Variants in HAUS3 observed in about 807,000 individuals in gnomAD.
The protein encoded by HAUS3 is HAUS augmin like complex subunit 3, also known as HAUS augmin-like complex subunit 3.
In HAUS3, 36 loss-of-function variants were observed where a neutral mutation model predicts 55.2. That is an observed-to-expected ratio of 0.65 (90% CI 0.50 to 0.86). HAUS3 has a LOEUF of 0.86. HAUS3 is among the 40% of genes least tolerant of loss of function. The probability of loss-of-function intolerance (pLI) is 0.00; values close to 1 mark genes in which losing one functional copy is unlikely to be tolerated. For synonymous variants in HAUS3, 234 were observed against 238.6 expected (o/e 0.98, Z 0.18); for missense variants, 752 against 671.5 (o/e 1.12, Z -1.33).
rs763083215 is a variant in HAUS3 at position 2,240,301 on chromosome 4, A to G, written c.646T>C (p.Leu216=). The change falls in exon 3 of 6, where the codon TTG becomes CTG. Residue 216 remains leucine, a synonymous_variant. Transcript: ENST00000443786. ...QEEQSTAALT[L]YTKKQFFQGI... is the part of the protein sequence containing the mutation. The stretch of plus-strand genomic sequence containing the variant: ...TGAAAGAACTGTTTTTTGGTATACA[A>G]AGTTAATGCTGCTGTGCTTTGCTCT... 2.5e-5 allele frequency: 40 copies of G among 1,610,654 alleles called. No homozygotes were observed. The highest frequency in any genetic ancestry group is 3.3e-5 in the Non-Finnish European group (39 of 1,177,902).
Position 2,240,310 on chromosome 4 carries a change from C to A in HAUS3, c.637G>T (p.Ala213Ser), listed in dbSNP as rs1229101243. 1 of 1,608,926 alleles carries A rather than the reference C, an allele frequency of 6.2e-7. No homozygotes were observed. Among genetic ancestry groups the A allele is most frequent in the Non-Finnish European group, 8.5e-7 (1 of 1,176,842 alleles). Reference protein sequence around the residue: ...YLSQEEQSTAALTLYTKKQFF... With the variant: ...YLSQEEQSTASLTLYTKKQFF... ...TGTTTTTTGGTATACAAAGTTAATG[C>A]TGCTGTGCTTTGCTCTTCCTGACTT... is the stretch of plus-strand genomic sequence containing the variant. The change falls in exon 3 of 6, where the codon GCA (alanine) becomes TCA (serine). Residue 213 changes from alanine to serine, a missense_variant. Transcript: ENST00000443786.
In HAUS3 at chr4:2,236,321, T is replaced by G; in HGVS notation, c.1485A>C (p.Glu495Asp). ...VQDQLAVSAQEHSFFLSKRNK... is the reference protein window; with the variant it reads ...VQDQLAVSAQDHSFFLSKRNK... ...TCCGTTTGGACAGAAAGAAAGAATG[T>G]TCTTGAGCAGATACTGCCAACTGAT... Residue 495 changes from glutamate (E) to aspartate (D), a missense_variant, in exon 5 of 6, where the codon GAA becomes GAC. By Grantham distance (45) the Glu-to-Asp change is conservative. Transcript: ENST00000443786. 6.2e-7 allele frequency: 1 copy of G among 1,613,722 alleles called. No homozygotes were observed. Among genetic ancestry groups the G allele is most frequent in the Non-Finnish European group, 8.5e-7 (1 of 1,179,704 alleles).
rs771315847 is a variant in HAUS3 at position 2,236,437 on chromosome 4, C to T, written c.1369G>A (p.Gly457Arg). ...AACAATTCTTTTTTCTTATTCTCTC[C>T]CTCCAAAACTTGGTAAAGCCTGAAA... ...STHRLYQVLE[G>R]ENKKKELFLT... is the part of the protein sequence containing the mutation. Residue 457 changes from glycine to arginine, a missense_variant, in exon 5 of 6, where the codon GGA (glycine) becomes AGA (arginine). Gly to Arg is a moderately radical substitution (Grantham distance 125, BLOSUM62 -2). Coordinates refer to ENST00000443786, the MANE Select transcript of HAUS3 (RefSeq NM_001303143.2). 9.3e-6 allele frequency: 15 copies of T among 1,610,574 alleles called. No homozygotes were observed. Among genetic ancestry groups the T allele is most frequent in the Non-Finnish European group, 1.1e-5 (13 of 1,177,336 alleles).
chr4:2,237,528 G>C (rs1307628416), intron 4 of HAUS3, among the ~76,000 whole-genome samples: 3 of 151,558 alleles, frequency 2.0e-5, no homozygotes, highest in East Asian at 1.9e-4. Context: ...AGGAAGGAGG[G>C]AAGGAAGGAA....
chr4:2,233,586 C>T (rs1419559370), intron 5 of HAUS3, among the ~76,000 whole-genome samples: 1 of 152,008 alleles, frequency 6.6e-6, no homozygotes, highest in African/African-American at 2.4e-5. Context: ...AACTCTGAGT[C>T]AAAAAATAAC....
In HAUS3 at chr4:2,231,039, A is replaced by G. The variant is rs1045964300; in HGVS notation, c.*888T>C. On this transcript the variant is annotated 3_prime_UTR_variant, in exon 6 of 6. Transcript: ENST00000443786. ...TGATGTGTAAGTCACATTAAAGTCA[A>G]AGCACTGCTCAGCTGTCTTGTAGAA... 1 of 152,224 alleles carries G rather than the reference A, an allele frequency of 6.6e-6. No homozygotes were observed. The highest frequency in any genetic ancestry group is 1.5e-5 in the Non-Finnish European group (1 of 68,044). 9.4% of individuals were successfully genotyped at this position (152,224 alleles called of 1,614,324 possible). A position where few individuals can be genotyped will look rare whatever the true frequency, so the allele number is the denominator to read the frequency against.
chr4:2,237,801 T>G lies in HAUS3; in HGVS notation c.1349+803A>C, dbSNP rs185062484. Among the ~76,000 whole-genome samples, 66 of 152,316 alleles carry G rather than the reference T, an allele frequency of 4.3e-4. 1 individual carries two copies. In the South Asian group the frequency reaches 4.8e-3, roughly 11 times the overall value. On this transcript the variant is annotated intron_variant, in intron 4 of 5. Coordinates refer to ENST00000443786, the MANE Select transcript of HAUS3 (RefSeq NM_001303143.2). ...TAAATAGTTACATAAATAGCTATAATAGTAAACTTTTGCTCAGAATTTTTT... is the reference window on the plus strand; with the variant it reads ...TAAATAGTTACATAAATAGCTATAAGAGTAAACTTTTGCTCAGAATTTTTT...
At chr4:2,234,674 A>G (rs537194226) in intron 5 of HAUS3, among the ~76,000 whole-genome samples, 2 of 152,234 alleles carry the variant, frequency 1.3e-5, no homozygotes, top group Non-Finnish European at 2.9e-5. Context: ...TTACTAAGCA[A>G]AAGAAAAATG....
Position 2,241,720 on chromosome 4 carries a change from C to T in HAUS3, c.-348G>A. The T allele has an allele frequency of 1.0e-6, 1 of 985,502 alleles. No individual in the cohort carries two copies. Among genetic ancestry groups the T allele is most frequent in the Non-Finnish European group, 1.2e-6 (1 of 829,956 alleles). The allele number at this position is 985,502 out of a possible 1,614,324, so 61.0% of individuals were successfully genotyped here. The stretch of plus-strand genomic sequence containing the variant: ...CCCCAGGGATCCGCGGCCCCAAGGC[C>T]GCGATACACCAGACGCGCCAGCGGC... On this transcript the variant is annotated 5_prime_UTR_variant, in exon 2 of 6. Transcript: ENST00000443786.
chr4:2,229,128 T>C lies in HAUS3; in HGVS notation c.*2799A>G. ...TGTACTCTTTCCCCAAGTCTTAGAA[T>C]CCACTAAATCACCTGAATGCATAGC... On this transcript the variant is annotated 3_prime_UTR_variant, in exon 6 of 6. Coordinates refer to ENST00000443786, the MANE Select transcript of HAUS3 (RefSeq NM_001303143.2). 1 of 1,609,724 alleles carries C rather than the reference T, an allele frequency of 6.2e-7. No individual in the cohort carries two copies.
Position 2,238,760 on chromosome 4 carries a change from T to A in HAUS3, c.1193A>T (p.His398Leu). The A allele has an allele frequency of 6.2e-7, 1 of 1,613,848 alleles. No homozygotes were observed. Among genetic ancestry groups the A allele is most frequent in the South Asian group, 1.1e-5 (1 of 91,062 alleles). The change falls in exon 4 of 6, where the codon CAT (histidine) becomes CTT (leucine). Residue 398 changes from histidine (H) to leucine (L), a missense_variant. Physicochemically the swap from His to Leu is moderately conservative, Grantham distance 99. Coordinates refer to ENST00000443786, the MANE Select transcript of HAUS3 (RefSeq NM_001303143.2). Reference sequence around the variant, plus strand: ...TTCAAGTTGACGATATATGTCCCGATGCTTTCTTAATTCAATTTCATATGA... The same window carrying A: ...TTCAAGTTGACGATATATGTCCCGAAGCTTTCTTAATTCAATTTCATATGA... ...QLSYEIELRK[H>L]RDIYRQLENL...
rs1179307649 is a variant in HAUS3 at position 2,240,335 on chromosome 4, T to G, written c.612A>C (p.Leu204=). 6.2e-7 allele frequency: 1 copy of G among 1,602,754 alleles called. No individual in the cohort carries two copies. The highest frequency in any genetic ancestry group is 1.7e-5 in the Admixed American group (1 of 57,966). ...CTGCTGTGCTTTGCTCTTCCTGACT[T>G]AGGTATTTTTCCAAGGAAAATTGCG... is the stretch of plus-strand genomic sequence containing the variant. ...FLSQFSLEKY[L]SQEEQSTAAL... Residue 204 remains leucine (L), a synonymous_variant, in exon 3 of 6, where the codon CTA becomes CTC. Transcript: ENST00000443786.
chr4:2,241,018 G>A lies in HAUS3; in HGVS notation c.-72C>T, dbSNP rs926522777. ...GTTGATTTTTAGAAAATAAATCCAA[G>A]CAGAAAAAAAGCTACGTTTTATACC... is the stretch of plus-strand genomic sequence containing the variant. On this transcript the variant is annotated 5_prime_UTR_variant, in exon 3 of 6. Coordinates refer to ENST00000443786, the MANE Select transcript of HAUS3 (RefSeq NM_001303143.2). The A allele has an allele frequency of 8.3e-7, 1 of 1,210,638 alleles. No individual in the cohort carries two copies. Among genetic ancestry groups the A allele is most frequent in the Non-Finnish European group, 1.2e-6 (1 of 861,710 alleles). 75.0% of individuals were successfully genotyped at this position (1,210,638 alleles called of 1,614,324 possible).
chr4:2,230,688 C>T lies in HAUS3; in HGVS notation c.*1239G>A, dbSNP rs1734549549. On this transcript the variant is annotated 3_prime_UTR_variant, in exon 6 of 6. Transcript: ENST00000443786. ...TTATAGCTAAAAAATTCCATAAAGACCACCCAAAACATGTAGTTTTTAGAT... is the reference window on the plus strand; with the variant it reads ...TTATAGCTAAAAAATTCCATAAAGATCACCCAAAACATGTAGTTTTTAGAT... The T allele has an allele frequency of 6.6e-6, 1 of 151,778 alleles. No individual in the cohort carries two copies. The highest frequency in any genetic ancestry group is 2.1e-4 in the South Asian group (1 of 4,820). The allele number at this position is 151,778 out of a possible 1,614,324, so 9.4% of individuals were successfully genotyped here.
chr4:2,234,800 T>C (rs1734700474), intron 5 of HAUS3, among the ~76,000 whole-genome samples: 1 of 152,228 alleles, frequency 6.6e-6, no homozygotes, highest in Non-Finnish European at 1.5e-5. Flanking sequence ...ACCAGGATAA[T>C]TATTCACTGC....
chr4:2,236,629 C>A (rs1271941010), intron 4 of HAUS3, among the ~76,000 whole-genome samples, 173 bp from the exon 5 acceptor site: 1 of 151,880 alleles, frequency 6.6e-6, no homozygotes, highest in Non-Finnish European at 1.5e-5. Context: ...GAGGCCAAGG[C>A]GGGCAGATTG....
chr4:2,232,602 A>G (rs1026725855), intron 5 of HAUS3, among the ~76,000 whole-genome samples: 2 of 152,200 alleles, frequency 1.3e-5, no homozygotes. Flanking sequence ...ATGAAGACCA[A>G]TAAAAGAGAA....
chr4:2,229,301 A>C lies in HAUS3; in HGVS notation c.*2626T>G. 1.5e-6 allele frequency: 2 copies of C among 1,339,252 alleles called. No individual in the cohort carries two copies. Among genetic ancestry groups the C allele is most frequent in the Non-Finnish European group, 1.0e-6 (1 of 993,064 alleles). The allele number at this position is 1,339,252 out of a possible 1,614,324, so 83.0% of individuals were successfully genotyped here. On this transcript the variant is annotated 3_prime_UTR_variant, in exon 6 of 6. Coordinates refer to ENST00000443786, the MANE Select transcript of HAUS3 (RefSeq NM_001303143.2). ...TATATTAATCCTAAGACTATAAAAC[A>C]GGAAATACAATTATTTTCAAAAATT...
At position 2,230,621 on chromosome 4, in the gene HAUS3, A is replaced by T. The variant is rs907988392; in HGVS notation, c.*1306T>A. 4.6e-5 allele frequency: 7 copies of T among 152,074 alleles called. No individual in the cohort carries two copies. Among genetic ancestry groups the T allele is most frequent in the Non-Finnish European group, 1.0e-4 (7 of 68,018 alleles). 9.4% of individuals were successfully genotyped at this position (152,074 alleles called of 1,614,324 possible). On this transcript the variant is annotated 3_prime_UTR_variant, in exon 6 of 6. Coordinates refer to ENST00000443786, the MANE Select transcript of HAUS3 (RefSeq NM_001303143.2). ...TTTGTTCAATGGGTTTCAAAAATCA[A>T]GAAGGTTCATCTGTCATCTAGGTAT...
Sources: allele counts gnomAD v4.1 joint callset (sites outside exome capture counted in the v4.1 genomes callset), GRCh38; gene constraint gnomAD v4.1.1; transcripts MANE v1.5; gene names NCBI Gene and HGNC (gene_info 2026-07-23, HGNC 2026-07-21).